The following DNAAF8 variants were observed in gnomAD, a reference collection of about 807,000 sequenced individuals.
The protein encoded by DNAAF8 is dynein axonemal-associated protein 1.
A neutral mutation model predicts 54.6 loss-of-function variants in DNAAF8; 61 were observed. The ratio of observed to expected loss-of-function variants is 1.12; its 90% CI spans 0.91 to 1.38. DNAAF8 has a LOEUF of 1.38. Ranked by LOEUF, DNAAF8 falls within the 40% of genes most tolerant of loss-of-function variation. The pLI is 0.00. For synonymous variants in DNAAF8, 320 were observed against 270.1 expected, an observed-to-expected ratio of 1.18 and a Z score of -1.81; for missense variants, 837 against 665.0, an observed-to-expected ratio of 1.26 and a Z score of -2.85.
chr16:4,747,676 C>A, intron 9 of DNAAF8, 42 bp downstream of exon 9: 1 of 1,546,428 alleles, frequency 6.5e-7, no homozygotes, highest in Non-Finnish European at 8.7e-7. Context: ...GCTGACTTGC[C>A]ATGGACCCTG....
chr16:4,743,243 T>C, intron 5 of DNAAF8, 83 bp downstream of exon 5: 1 of 1,029,080 alleles, frequency 9.7e-7, no homozygotes, highest in East Asian at 2.5e-5. Flanking sequence ...GGCTGCAGGC[T>C]GGTCACAGAC....
chr16:4,737,727 G>A lies in DNAAF8; in HGVS notation c.130-73G>A, dbSNP rs148621438. On this transcript the variant is annotated intron_variant, in intron 2 of 9. Transcript: ENST00000299320. ...GCTGGAAGTGAGAGTGGAGAGTGGA[G>A]AGCGGGGGTGGCTAGGCCCTCAGGG... 669 of 1,542,068 alleles carry A rather than the reference G, an allele frequency of 4.3e-4. 4 individuals are homozygous for A. In the African/African-American group the frequency reaches 8.0e-3, roughly 18 times the overall value.
Position 4,747,403 on chromosome 16 carries a change from C to A in DNAAF8, c.1341C>A (p.Ala447=). 1 of 1,612,652 alleles carries A rather than the reference C, an allele frequency of 6.2e-7. No individual in the cohort carries two copies. The highest frequency in any genetic ancestry group is 8.5e-7 in the Non-Finnish European group (1 of 1,179,758). The part of the protein sequence containing the change: ...QQLRAFQKGT[A]QPELPASKGP... ...TCAGGGCCTTTCAGAAGGGGACAGC[C>A]CAGCCCGAGCTGCCTGCCAGCAAGG... The change falls in exon 9 of 10, where the codon GCC becomes GCA. Residue 447 remains alanine (A), a synonymous_variant. Transcript: ENST00000299320.
chr16:4,746,382 T>C lies in DNAAF8; in HGVS notation c.1051T>C (p.Ser351Pro). 1 of 1,611,642 alleles carries C rather than the reference T, an allele frequency of 6.2e-7. No homozygotes were observed. The highest frequency in any genetic ancestry group is 8.5e-7 in the Non-Finnish European group (1 of 1,179,278). The change falls in exon 7 of 10, where the codon TCA (serine) becomes CCA (proline). Residue 351 changes from serine to proline, a missense_variant. Coordinates refer to ENST00000299320, the MANE Select transcript of DNAAF8 (RefSeq NM_139170.3). The stretch of plus-strand genomic sequence containing the variant: ...CTGCTTTTCTCATTTCAGATGTGCC[T>C]CAAGGAAGCAGGGCTCCCAGGCTGG... ...KEADSGSRCA[S>P]RKQGSQAGPG...
chr16:4,735,399 G>A (rs1343429232), intron 1 of DNAAF8: 5 of 152,206 alleles, frequency 3.3e-5, no homozygotes, highest in Non-Finnish European at 5.9e-5. Context: ...AAGTACAGAG[G>A]AAGCAAGCAG....
Position 4,736,663 on chromosome 16 carries a change from C to T in DNAAF8, c.129+20C>T. The T allele has an allele frequency of 6.5e-7, 1 of 1,539,436 alleles. No individual in the cohort carries two copies. Among genetic ancestry groups the T allele is most frequent in the Non-Finnish European group, 8.8e-7 (1 of 1,139,538 alleles). On this transcript the variant is annotated intron_variant, in intron 2 of 9. Coordinates refer to ENST00000299320, the MANE Select transcript of DNAAF8 (RefSeq NM_139170.3). ...CCTTTGGTAAGCAAGAACTCTCTCCCTGGATGCCTTGTCCTTCCTACCAGA... is the reference window on the plus strand; with the variant it reads ...CCTTTGGTAAGCAAGAACTCTCTCCTTGGATGCCTTGTCCTTCCTACCAGA...
At chr16:4,746,879 A>G in intron 7 of DNAAF8, 48 bp from the exon 8 acceptor site, 1 of 1,473,712 alleles carries the variant, frequency 6.8e-7, no homozygotes, top group Admixed American at 2.5e-5. Context: ...AAGAGTTGGA[A>G]CACCAGGTGG....
At chr16:4,741,896 T>C (rs2142206533) in intron 4 of DNAAF8, among the ~76,000 whole-genome samples, 1 of 152,332 alleles carries the variant, frequency 6.6e-6, no homozygotes, top group Middle Eastern at 3.4e-3. Context: ...GACAGAAAAG[T>C]AACCATCACA....
intron 4 of DNAAF8, 139 bp from the exon 5 acceptor site, chr16:4,742,904 C>T: frequency 2.7e-6 from 2 of 747,044 alleles, no homozygotes; most frequent in South Asian, 3.2e-5. Context: ...TATTTGCAAA[C>T]TCTGTCATGC....
Position 4,740,541 on chromosome 16 carries a change from C to G in DNAAF8, c.665C>G (p.Pro222Arg). 1 of 1,614,002 alleles carries G rather than the reference C, an allele frequency of 6.2e-7. No individual in the cohort carries two copies. Residue 222 changes from proline (P) to arginine (R), a missense_variant, in exon 4 of 10, where the codon CCG becomes CGG. Coordinates refer to ENST00000299320, the MANE Select transcript of DNAAF8 (RefSeq NM_139170.3). ...AAAGTCACCCGGGATGCCTGCGGCC[C>G]GACCAGCAGTGACAAAGGTGGGGTG... ...LQKVTRDACG[P>R]TSSDKGGVKE... is the part of the protein sequence containing the mutation.
At position 4,740,391 on chromosome 16, in the gene DNAAF8, C is replaced by T. The variant is rs778973918; in HGVS notation, c.515C>T (p.Ala172Val). The T allele has an allele frequency of 1.9e-6, 3 of 1,613,894 alleles. No individual in the cohort carries two copies. In the Admixed American group the frequency reaches 5.0e-5, roughly 27 times the overall value. ...CCTCCCTGGGACCCACAGGCCGAAG[C>T]CACTCTCTCCTGCCATGAAGGAGAC... ...QGPPWDPQAEATLSCHEGDPK... is the reference protein window; with the variant it reads ...QGPPWDPQAEVTLSCHEGDPK... The change falls in exon 4 of 10, where the codon GCC becomes GTC. Residue 172 changes from alanine to valine, a missense_variant. Transcript: ENST00000299320.
rs1322456752 is a variant in DNAAF8 at position 4,744,995 on chromosome 16, G to A, written c.1027G>A (p.Ala343Thr). The change falls in exon 6 of 10, where the codon GCA becomes ACA. Residue 343 changes from alanine (A) to threonine (T), a missense_variant. By Grantham distance (58) the Ala-to-Thr change is moderately conservative (BLOSUM62 0). Transcript: ENST00000299320. The stretch of plus-strand genomic sequence containing the variant: ...CGACACTCCCCAGGACACCAAAGAG[G>A]CAGATTCAGGAAGCAGGTGGGACTT... Reference protein sequence around the residue: ...PADTPQDTKEADSGSRCASRK... With the variant: ...PADTPQDTKETDSGSRCASRK... The A allele has an allele frequency of 6.2e-7, 1 of 1,613,318 alleles. No homozygotes were observed. The highest frequency in any genetic ancestry group is 2.2e-5 in the East Asian group (1 of 44,850).
chr16:4,739,099 C>G (rs908446310), intron 3 of DNAAF8, among the ~76,000 whole-genome samples: 1 of 151,964 alleles, frequency 6.6e-6, no homozygotes. Flanking sequence ...TCCCATCAGC[C>G]CAGCCATTCC....
At chr16:4,740,702 C>T in intron 4 of DNAAF8, 43 bp downstream of exon 4, 1 of 1,524,610 alleles carries the variant, frequency 6.6e-7, no homozygotes, top group South Asian at 1.2e-5. Context: ...GGCCTGTTAC[C>T]TGTGGCATGG....
At position 4,743,153 on chromosome 16, in the gene DNAAF8, A is replaced by C; in HGVS notation, c.894A>C (p.Gln298His). ...TGTGGTGGGCAGCTGACCACCGCCA[A>C]GTTCAAGGTCTGACCTTGAACACTG... ...GTVWWAADHR[Q>H]VQDRMVPSAH... Residue 298 changes from glutamine (Q) to histidine (H), a missense_variant, in exon 5 of 10, where the codon CAA becomes CAC. Gln to His is a conservative substitution (Grantham distance 24, BLOSUM62 0). Transcript: ENST00000299320. The C allele has an allele frequency of 6.3e-7, 1 of 1,599,600 alleles. No homozygotes were observed.
Position 4,737,890 on chromosome 16 carries a change from G to A in DNAAF8, c.220G>A (p.Ala74Thr), listed in dbSNP as rs1306296876. Residue 74 changes from alanine to threonine, a missense_variant, in exon 3 of 10, where the codon GCC (alanine) becomes ACC (threonine). By Grantham distance (58) the Ala-to-Thr change is moderately conservative. Transcript: ENST00000299320. ...DLSEELAEDP[A>T]DGDKSRAWVA... ...GTCGGAGGAGCTGGCTGAAGATCCTGCCGATGGCGACAAGTCCAGGGCCTG... is the reference window on the plus strand; with the variant it reads ...GTCGGAGGAGCTGGCTGAAGATCCTACCGATGGCGACAAGTCCAGGGCCTG... 2 of 1,614,094 alleles carry A rather than the reference G, an allele frequency of 1.2e-6. No homozygotes were observed. The highest frequency in any genetic ancestry group is 2.2e-5 in the East Asian group (1 of 44,890).
Position 4,746,472 on chromosome 16 carries a change from C to T in DNAAF8, c.1141C>T (p.Leu381=), listed in dbSNP as rs370084395. Residue 381 remains leucine, a synonymous_variant, in exon 7 of 10, where the codon CTG becomes TTG. Coordinates refer to ENST00000299320, the MANE Select transcript of DNAAF8 (RefSeq NM_139170.3). ...NAESPTIFID[L]RQMELPDHLS... is the part of the protein sequence containing the mutation. ...AGAGTCCCCCACCATCTTTATTGAC[C>T]TGCGGCAGATGGAGCTACCAGACCA... The T allele has an allele frequency of 6.2e-7, 1 of 1,613,692 alleles. No homozygotes were observed. The highest frequency in any genetic ancestry group is 1.3e-5 in the African/African-American group (1 of 74,944).
intron 1 of DNAAF8, among the ~76,000 whole-genome samples, chr16:4,735,721 G>A (rs904466325): frequency 6.6e-6 from 1 of 152,144 alleles, no homozygotes; most frequent in Admixed American, 6.5e-5. Flanking sequence ...ACTTTGGGAG[G>A]CTGAGGCAAG....
At position 4,740,672 on chromosome 16, in the gene DNAAF8, C is replaced by G; in HGVS notation, c.783+13C>G. 6.4e-7 allele frequency: 1 copy of G among 1,565,844 alleles called. No homozygotes were observed. Among genetic ancestry groups the G allele is most frequent in the East Asian group, 2.2e-5 (1 of 44,564 alleles). The stretch of plus-strand genomic sequence containing the variant: ...GCTCTCGCTCCAGGTAGGCGCCTCC[C>G]CGTGCCTGGCTGTTTCTCAGGCCTG... On this transcript the variant is annotated intron_variant, in intron 4 of 9. Coordinates refer to ENST00000299320, the MANE Select transcript of DNAAF8 (RefSeq NM_139170.3).
Sources: allele counts gnomAD v4.1 joint callset (sites outside exome capture counted in the v4.1 genomes callset), GRCh38; gene constraint gnomAD v4.1.1; transcripts MANE v1.5; gene names NCBI Gene and HGNC (gene_info 2026-07-23, HGNC 2026-07-21).